The following PTPRD variants were observed in gnomAD, a reference collection of about 807,000 sequenced individuals.
PTPRD encodes receptor-type tyrosine-protein phosphatase delta.
PTPRD carries 34 observed loss-of-function variants against 214.5 expected under a neutral mutation model. The ratio of observed to expected loss-of-function variants is 0.16; its 90% CI spans 0.12 to 0.21. The LOEUF (loss-of-function observed/expected upper bound fraction) is 0.21. PTPRD is among the 10% of genes least tolerant of loss of function. The probability of loss-of-function intolerance (pLI) is 1.00; values close to 1 mark genes in which losing one functional copy is unlikely to be tolerated. For synonymous variants in PTPRD, 1,128 were observed against 845.7 expected (o/e 1.33, Z -5.79); for missense variants, 2,545 against 2,398.7 (o/e 1.06, Z -1.27).
intron 4 of PTPRD, among the ~76,000 whole-genome samples, chr9:9,947,473 ATATATATT>A (rs2092831572): frequency 0.022 from 738 of 32,804 alleles, 43 homozygotes; most frequent in East Asian, 0.21. Flanking sequence ...ACTATATATT[ATATATATT>A]TTATATATAT....
intron 7 of PTPRD, among the ~76,000 whole-genome samples, chr9:9,689,515 T>C (rs2097225886): frequency 6.6e-6 from 1 of 151,940 alleles, no homozygotes; most frequent in Non-Finnish European, 1.5e-5. Context: ...CTCTACTATT[T>C]TGAAATGTAC....
chr9:8,988,982 C>T (rs762458994), intron 11 of PTPRD, among the ~76,000 whole-genome samples: 4 of 152,024 alleles, frequency 2.6e-5, no homozygotes, highest in Non-Finnish European at 5.9e-5. Flanking sequence ...CAAATGTTTA[C>T]ATAAGTTCTT....
At chr9:10,598,711 G>GGT (rs34859013) in intron 2 of PTPRD, among the ~76,000 whole-genome samples, 45,992 of 135,868 alleles carry the variant, frequency 0.34, 7,908 homozygotes, top group African/African-American at 0.42. Flanking sequence ...TGTGGTGTGT[G>GGT]GTGTGTGTGT....
At chr9:9,983,899 A>G (rs1029255762) in intron 4 of PTPRD, among the ~76,000 whole-genome samples, 1 of 152,188 alleles carries the variant, frequency 6.6e-6, no homozygotes, top group Admixed American at 6.5e-5. Flanking sequence ...AATTTATAGT[A>G]TCATTCTCTT....
At chr9:9,217,561 C>G (rs571143492) in intron 9 of PTPRD, among the ~76,000 whole-genome samples, 1 of 150,186 alleles carries the variant, frequency 6.7e-6, no homozygotes, top group Admixed American at 6.6e-5. Flanking sequence ...TTTATCCATT[C>G]AGGACTCCAT....
chr9:9,027,879 G>A (rs775720504), intron 10 of PTPRD, among the ~76,000 whole-genome samples: 2 of 151,920 alleles, frequency 1.3e-5, no homozygotes, highest in Non-Finnish European at 2.9e-5. Flanking sequence ...TCTACTAACA[G>A]TTCTTGTCAT....
rs149327972 is a variant in PTPRD at position 9,629,238 on chromosome 9, G to GTGTGTATATATATATATATA, written c.-286-54458_-286-54457insTATATATATATATATACACA. ...TGGGGAGATATATATGTGTGTGTGT[G>GTGTGTATATATATATATATA]TATATATATATATATATATGAACAC... On this transcript the variant is annotated intron_variant, in intron 7 of 45. Transcript: ENST00000381196. Among the ~76,000 whole-genome samples the GTGTGTATATATATATATATA allele has an allele frequency of 4.3e-3, 603 of 140,346 alleles. 6 individuals are homozygous for GTGTGTATATATATATATATA. The highest frequency in any genetic ancestry group is 0.011 in the African/African-American group (400 of 35,522). 92.1% of individuals were successfully genotyped at this position (140,346 alleles called of 152,430 possible).
intron 11 of PTPRD, among the ~76,000 whole-genome samples, chr9:8,773,812 C>T (rs775178773): frequency 9.9e-5 from 15 of 152,156 alleles, no homozygotes; most frequent in Non-Finnish European, 1.9e-4. Flanking sequence ...ACAAAATATT[C>T]TTTCATTACA....
intron 9 of PTPRD, among the ~76,000 whole-genome samples, chr9:9,183,864 T>C (rs4740971): frequency 1.3e-5 from 2 of 151,532 alleles, no homozygotes; most frequent in African/African-American, 2.4e-5. Context: ...CGAATTAGCA[T>C]GGAAAATTCC....
chr9:9,145,222 T>A (rs2099866654), intron 10 of PTPRD, among the ~76,000 whole-genome samples: 1 of 152,194 alleles, frequency 6.6e-6, no homozygotes, highest in Non-Finnish European at 1.5e-5. Flanking sequence ...GCAACTTAGC[T>A]AAACCAGATA....
chr9:8,707,519 A>T (rs1335640301), intron 12 of PTPRD, among the ~76,000 whole-genome samples: 1 of 152,234 alleles, frequency 6.6e-6, no homozygotes, highest in African/African-American at 2.4e-5. Flanking sequence ...AGTGTTCCTT[A>T]AATTACTTAG....
At chr9:8,998,445 T>A (rs1454242520) in intron 11 of PTPRD, among the ~76,000 whole-genome samples, 1 of 152,032 alleles carries the variant, frequency 6.6e-6, no homozygotes, top group Non-Finnish European at 1.5e-5. Flanking sequence ...TTTAGCAGCA[T>A]GACTTACCGT....
chr9:9,352,336 T>TGG (rs1355623527), intron 9 of PTPRD, among the ~76,000 whole-genome samples: 1 of 144,056 alleles, frequency 6.9e-6, no homozygotes, highest in East Asian at 2.0e-4. Flanking sequence ...TATGTGTGTG[T>TGG]GTGTGTGTGT....
At chr9:8,730,049 G>T (rs973370644) in intron 12 of PTPRD, among the ~76,000 whole-genome samples, 1 of 152,162 alleles carries the variant, frequency 6.6e-6, no homozygotes, top group African/African-American at 2.4e-5. Context: ...GAGGTGAGGA[G>T]ATCAAGACCA....
In PTPRD at chr9:10,201,875, T is replaced by C. The variant is rs144112496; in HGVS notation, c.-545+139088A>G. Among the ~76,000 whole-genome samples, 4 of 151,422 alleles carry C rather than the reference T, an allele frequency of 2.6e-5. No individual in the cohort carries two copies. The South Asian group carries it at 8.3e-4, about 31-fold the overall frequency. On this transcript the variant is annotated intron_variant, in intron 3 of 45. Coordinates refer to ENST00000381196, the MANE Select transcript of PTPRD (RefSeq NM_002839.4). ...TAAGAAATCTTAACAGTTGTTAAAT[T>C]TGAGAGGTACAATTTTCAGTAAACT...
At chr9:8,793,203 T>C (rs1225146601) in intron 11 of PTPRD, among the ~76,000 whole-genome samples, 1 of 152,218 alleles carries the variant, frequency 6.6e-6, no homozygotes, top group Non-Finnish European at 1.5e-5. Flanking sequence ...ATGTTACTTC[T>C]ACAATTAGGT....
Position 8,317,593 on chromosome 9 carries a change from C to T in PTPRD, c.*281G>A. 3.1e-6 allele frequency: 1 copy of T among 322,738 alleles called. No homozygotes were observed. Among genetic ancestry groups the T allele is most frequent in the South Asian group, 6.1e-5 (1 of 16,476 alleles). The allele number at this position is 322,738 out of a possible 1,614,324, so 20.0% of individuals were successfully genotyped here. On this transcript the variant is annotated 3_prime_UTR_variant, in exon 46 of 46. Coordinates refer to ENST00000381196, the MANE Select transcript of PTPRD (RefSeq NM_002839.4). ...TGGTGGTTCTTTGCTGTGATTTCTT[C>T]TTCCCTTGATTTTGAATCCTTGAGG... is the stretch of plus-strand genomic sequence containing the variant.
intron 7 of PTPRD, among the ~76,000 whole-genome samples, chr9:9,597,242 G>A (rs1424936526): frequency 1.3e-5 from 2 of 151,930 alleles, no homozygotes; most frequent in African/African-American, 4.8e-5. Flanking sequence ...CCCACCGCAG[G>A]ATATCATCCC....
chr9:9,320,498 T>C (rs767739330), intron 9 of PTPRD, among the ~76,000 whole-genome samples: 2 of 152,148 alleles, frequency 1.3e-5, no homozygotes, highest in Admixed American at 6.6e-5. Context: ...TTATAAATGA[T>C]TGGGGAGTCC....
Sources: gnomAD v4.1 joint callset for allele counts (sites outside exome capture counted in the v4.1 genomes callset) on GRCh38, gnomAD v4.1.1 for gene constraint, MANE v1.5 for transcripts, NCBI Gene and HGNC (gene_info 2026-07-23, HGNC 2026-07-21) for gene names.